The following MTA3 variants were observed in gnomAD, a reference collection of about 807,000 sequenced individuals.
MTA3 encodes the protein metastasis-associated protein MTA3.
In MTA3, 34 loss-of-function variants were observed where a neutral mutation model predicts 83.5. The observed-to-expected ratio is 0.41, with a 90% CI of 0.31 to 0.54. The LOEUF (loss-of-function observed/expected upper bound fraction) is 0.54. Ranked by LOEUF, MTA3 falls within the 20% of genes least tolerant of loss-of-function variation. The pLI is 0.33. For missense variants in MTA3, 761 were observed against 726.4 expected (o/e 1.05, Z -0.55); for synonymous variants, 303 against 252.7 (o/e 1.20, Z -1.89).
chr2:42,730,400 G>A (rs1385398647), intron 16 of MTA3, among the ~76,000 whole-genome samples: 4 of 151,910 alleles, frequency 2.6e-5, no homozygotes, highest in South Asian at 2.1e-4. Context: ...TTGTATTCCT[G>A]GTTTTTTAAG....
At chr2:42,747,602 G>T (rs1001752342) in intron 16 of MTA3, among the ~76,000 whole-genome samples, 12 of 151,238 alleles carry the variant, frequency 7.9e-5, no homozygotes, top group African/African-American at 2.9e-4. Context: ...CGCAATGGAA[G>T]TTCCTGGCTG....
At chr2:42,688,475 A>G (rs988433221) in intron 9 of MTA3, among the ~76,000 whole-genome samples, 2 of 152,220 alleles carry the variant, frequency 1.3e-5, no homozygotes, top group Non-Finnish European at 1.5e-5. Context: ...AAGACTAATG[A>G]TAAGCCTCTT....
intron 8 of MTA3, among the ~76,000 whole-genome samples, chr2:42,674,383 T>C (rs1201228066): frequency 6.6e-6 from 1 of 152,228 alleles, no homozygotes; most frequent in African/African-American, 2.4e-5. Context: ...AAAATACTTC[T>C]TTTTGTCATC....
chr2:42,557,556 G>C (rs779695468), intron 2 of MTA3, among the ~76,000 whole-genome samples: 14 of 152,144 alleles, frequency 9.2e-5, no homozygotes, highest in Non-Finnish European at 1.8e-4. Flanking sequence ...CATTGCATTA[G>C]TTGCCACTAA....
At chr2:42,558,238 CTTTTT>C (rs777256051) in intron 2 of MTA3, among the ~76,000 whole-genome samples, 1 of 125,942 alleles carries the variant, frequency 7.9e-6, no homozygotes, top group Non-Finnish European at 1.7e-5. Context: ...CACCTGAGGA[CTTTTT>C]TTTTTTTTTT....
At chr2:42,655,871 G>A (rs1193257111) in intron 6 of MTA3, among the ~76,000 whole-genome samples, 3 of 152,186 alleles carry the variant, frequency 2.0e-5, no homozygotes, top group Admixed American at 2.0e-4. Flanking sequence ...CCAAAGTGCC[G>A]AGATTACAGG....
At chr2:42,509,808 GAATA>G (rs1225600154) in intron 2 of MTA3, among the ~76,000 whole-genome samples, 1 of 151,894 alleles carries the variant, frequency 6.6e-6, no homozygotes, top group Non-Finnish European at 1.5e-5. Context: ...TAAAATAAAG[GAATA>G]AATAAATATT....
intron 2 of MTA3, among the ~76,000 whole-genome samples, chr2:42,555,261 G>A (rs1029031082): frequency 1.2e-4 from 18 of 151,240 alleles, no homozygotes; most frequent in African/African-American, 4.1e-4. Flanking sequence ...TCGGGAGTTC[G>A]AGACCAGCCT....
chr2:42,672,552 C>T (rs950239921), intron 8 of MTA3, among the ~76,000 whole-genome samples: 4 of 140,478 alleles, frequency 2.8e-5, no homozygotes, highest in African/African-American at 7.9e-5. Context: ...GGCTGAGGCA[C>T]GAGAATCTCT....
intron 2 of MTA3, among the ~76,000 whole-genome samples, chr2:42,508,877 A>C (rs1674768243): frequency 6.8e-6 from 1 of 147,178 alleles, no homozygotes; most frequent in Admixed American, 6.9e-5. Flanking sequence ...ATAATATATT[A>C]TATATACAAC....
chr2:42,522,446 A>G (rs1390520505), intron 2 of MTA3, among the ~76,000 whole-genome samples: 1 of 152,070 alleles, frequency 6.6e-6, no homozygotes, highest in East Asian at 1.9e-4. Context: ...CTCTGGAATG[A>G]TATCTCTAGG....
rs181623021 is a variant in MTA3 at position 42,615,932 on chromosome 2, G to T, written c.317+6348G>T. Among the ~76,000 whole-genome samples the T allele has an allele frequency of 3.5e-3, 534 of 150,456 alleles. 2 individuals are homozygous for T. Among genetic ancestry groups the T allele is most frequent in the African/African-American group, 0.013 (515 of 40,986 alleles). ...AGACAGGGTTTCCCCATGTTCTCCA[G>T]GATGTTCTTGATCTCCTGACCTCGT... On this transcript the variant is annotated intron_variant, in intron 4 of 16. Transcript: ENST00000405094.
chr2:42,594,728 A>ATATATATATTTTTTT, intron 3 of MTA3, among the ~76,000 whole-genome samples: 26 of 24,042 alleles, frequency 1.1e-3, no homozygotes, highest in African/African-American at 2.0e-3. Context: ...ATATATATAT[A>ATATATATATTTTTTT]TTTTTTTTTT....
In MTA3 at chr2:42,722,926, T is replaced by C. The variant is rs1284862464; in HGVS notation, c.1650T>C (p.Ser550=). ...HPAKKPNVIR[S]TPSLQTPTTK... ...CAAAGAAACCTAATGTAATTCGATCTACACCAAGCCTGCAAACCCCAACTA... is the reference window on the plus strand; with the variant it reads ...CAAAGAAACCTAATGTAATTCGATCCACACCAAGCCTGCAAACCCCAACTA... The change falls in exon 16 of 17, where the codon TCT becomes TCC. Residue 550 remains serine (S), a synonymous_variant. Coordinates refer to ENST00000405094, the MANE Select transcript of MTA3 (RefSeq NM_001330442.2). 34 of 1,551,110 alleles carry C rather than the reference T, an allele frequency of 2.2e-5. No individual in the cohort carries two copies. The highest frequency in any genetic ancestry group is 2.9e-5 in the Non-Finnish European group (33 of 1,147,134).
intron 6 of MTA3, among the ~76,000 whole-genome samples, chr2:42,646,949 G>A (rs1256693192): frequency 6.6e-6 from 1 of 151,732 alleles, no homozygotes; most frequent in Non-Finnish European, 1.5e-5. Context: ...GAGGTCAGGC[G>A]ATCGAGACCA....
chr2:42,667,578 G>A lies in MTA3; in HGVS notation c.702+7716G>A, dbSNP rs370170934. Reference sequence around the variant, plus strand: ...TTTCCATCATTTAAAAATTGTGTGTGTGTGTGTGTGTGTGTGTGTGTGTGT... The same window carrying A: ...TTTCCATCATTTAAAAATTGTGTGTATGTGTGTGTGTGTGTGTGTGTGTGT... On this transcript the variant is annotated intron_variant, in intron 8 of 16. Transcript: ENST00000405094. Among the ~76,000 whole-genome samples the A allele has an allele frequency of 8.2e-3, 1,060 of 129,890 alleles. 18 individuals are homozygous for A. The highest frequency in any genetic ancestry group is 0.027 in the African/African-American group (957 of 34,918). 85.2% of individuals were successfully genotyped at this position (129,890 alleles called of 152,430 possible). A position where few individuals can be genotyped will look rare whatever the true frequency, so the allele number is the denominator to read the frequency against.
rs61313779 is a variant in MTA3 at position 42,606,635 on chromosome 2, A to G, written c.191-2823A>G. Among the ~76,000 whole-genome samples the G allele has an allele frequency of 3.8e-3, 539 of 140,020 alleles. 4 individuals are homozygous for G. The highest frequency in any genetic ancestry group is 0.014 in the African/African-American group (507 of 36,806). 91.9% of individuals were successfully genotyped at this position (140,020 alleles called of 152,430 possible). A position where few individuals can be genotyped will look rare whatever the true frequency, so the allele number is the denominator to read the frequency against. The stretch of plus-strand genomic sequence containing the variant: ...AGAGGGGCTCCTCACATCCCAGACG[A>G]TGGGCGGCCAGGCAGAGACACTCCT... On this transcript the variant is annotated intron_variant, in intron 3 of 16. Coordinates refer to ENST00000405094, the MANE Select transcript of MTA3 (RefSeq NM_001330442.2).
chr2:42,659,362 A>C lies in MTA3; in HGVS notation c.603-401A>C, dbSNP rs75156629. Among the ~76,000 whole-genome samples, 620 of 152,274 alleles carry C rather than the reference A, an allele frequency of 4.1e-3. 6 individuals carry two copies. The highest frequency in any genetic ancestry group is 0.014 in the African/African-American group (577 of 41,556). On this transcript the variant is annotated intron_variant, in intron 7 of 16. Coordinates refer to ENST00000405094, the MANE Select transcript of MTA3 (RefSeq NM_001330442.2). Reference sequence around the variant, plus strand: ...ATATATTGGGGGAAAAATGTAACTGAGTTTTACAATTTGGGCTTAAAAAGT... The same window carrying C: ...ATATATTGGGGGAAAAATGTAACTGCGTTTTACAATTTGGGCTTAAAAAGT...
intron 2 of MTA3, among the ~76,000 whole-genome samples, chr2:42,575,185 A>G (rs557984684): frequency 9.2e-5 from 14 of 152,194 alleles, no homozygotes; most frequent in African/African-American, 2.6e-4. Flanking sequence ...TCTCCCTGCA[A>G]CCACCTTAGG....
Sources: gnomAD v4.1 joint callset for allele counts (sites outside exome capture counted in the v4.1 genomes callset) on GRCh38, gnomAD v4.1.1 for gene constraint, MANE v1.5 for transcripts, NCBI Gene and HGNC (gene_info 2026-07-23, HGNC 2026-07-21) for gene names.